Variants in MTIF2 observed in about 807,000 individuals in gnomAD.
The protein encoded by MTIF2 is mitochondrial translational initiation factor 2.
In MTIF2, 71 loss-of-function variants were observed where a neutral mutation model predicts 83.5. That is an observed-to-expected ratio of 0.85 (90% confidence interval 0.70 to 1.04). The LOEUF is 1.04. MTIF2 is among the 50% of genes least tolerant of loss of function. MTIF2 has a pLI of 0.00. For missense variants in MTIF2, 957 were observed against 846.5 expected, an observed-to-expected ratio of 1.13 and a Z score of -1.62; for synonymous variants, 319 against 287.1, an observed-to-expected ratio of 1.11 and a Z score of -1.12.
intron 3 of MTIF2, among the ~76,000 whole-genome samples, chr2:55,267,068 C>T (rs1157082775): frequency 2.0e-5 from 3 of 151,900 alleles, no homozygotes; most frequent in African/African-American, 7.2e-5. Context: ...CCACGCCTAG[C>T]CTAAATGTTA....
At chr2:55,263,402 T>C (rs1028128373) in intron 4 of MTIF2, among the ~76,000 whole-genome samples, 14 of 152,330 alleles carry the variant, frequency 9.2e-5, no homozygotes, top group African/African-American at 2.4e-4. Flanking sequence ...TTTGTACTCA[T>C]GGTTCTAGGC....
chr2:55,238,771 G>A (rs1024981037), intron 14 of MTIF2, among the ~76,000 whole-genome samples: 1 of 152,056 alleles, frequency 6.6e-6, no homozygotes, highest in Non-Finnish European at 1.5e-5. Context: ...ATTTTCTAGG[G>A]TGCTATTTTA....
At chr2:55,246,557 T>C (rs1676716895) in intron 9 of MTIF2, 96 bp from the exon 10 acceptor site, 14 of 993,022 alleles carry the variant, frequency 1.4e-5, no homozygotes, top group Non-Finnish European at 2.1e-5. Context: ...TTGCAAGTTA[T>C]ATTATACTTT....
At chr2:55,247,745 C>T (rs916334337) in intron 9 of MTIF2, among the ~76,000 whole-genome samples, 2 of 152,032 alleles carry the variant, frequency 1.3e-5, no homozygotes, top group African/African-American at 2.4e-5. Flanking sequence ...AAAAGAAGGC[C>T]TCATCTTACC....
chr2:55,249,358 C>G (rs2104368264), intron 9 of MTIF2, 37 bp downstream of exon 9: 1 of 1,608,348 alleles, frequency 6.2e-7, no homozygotes, highest in East Asian at 2.2e-5. Flanking sequence ...TACAGCATTC[C>G]CATCCAGGCA....
Position 55,252,436 on chromosome 2 carries a change from T to A in MTIF2, c.841+41A>T, listed in dbSNP as rs368191351. The A allele has an allele frequency of 1.4e-5, 22 of 1,583,098 alleles. No individual in the cohort carries two copies. In the African/African-American group the frequency reaches 2.4e-4, roughly 17 times the overall value. ...CTATATGTAAATGGCCCCAGAACTT[T>A]GACTTTATGTAGTAGATCCATTAAG... On this transcript the variant is annotated intron_variant, in intron 8 of 15. Coordinates refer to ENST00000263629, the MANE Select transcript of MTIF2 (RefSeq NM_002453.3).
chr2:55,237,950 C>A (rs57489147), intron 14 of MTIF2, among the ~76,000 whole-genome samples: 11,518 of 152,194 alleles, frequency 0.076, 1,396 homozygotes, highest in African/African-American at 0.26. Context: ...TGCACCCAGC[C>A]ATCTTTGCCT....
At position 55,252,605 on chromosome 2, in the gene MTIF2, T is replaced by C. The variant is rs752020711; in HGVS notation, c.713A>G (p.His238Arg). The C allele has an allele frequency of 3.0e-5, 48 of 1,613,862 alleles. No homozygotes were observed. The highest frequency in any genetic ancestry group is 3.9e-5 in the Non-Finnish European group (46 of 1,179,970). ...GGCTCTCATTGCTGAGAAAGCAGCA[T>C]GTCCTGGAGTATCAAGAAAAGTTAT... ...EKITFLDTPG[H>R]AAFSAMRARG... The change falls in exon 8 of 16, where the codon CAT (histidine) becomes CGT (arginine). Residue 238 changes from histidine to arginine, a missense_variant. By Grantham distance (29) the His-to-Arg change is conservative. Around this residue, in one of 3 missense-constraint regions of MTIF2, gnomAD observed 733 missense variants for 648.7 expected, o/e 1.13. Transcript: ENST00000263629.
chr2:55,246,219 T>C, intron 10 of MTIF2, 118 bp downstream of exon 10: 2 of 1,201,108 alleles, frequency 1.7e-6, no homozygotes, highest in South Asian at 3.7e-5. Flanking sequence ...AAACAAATGC[T>C]TTGAAAATAT....
intron 14 of MTIF2, among the ~76,000 whole-genome samples, chr2:55,238,937 T>C (rs1034437614): frequency 6.6e-6 from 1 of 152,182 alleles, no homozygotes; most frequent in Non-Finnish European, 1.5e-5. Flanking sequence ...ATAAATCTGT[T>C]ATGTAGACCA....
At chr2:55,256,968 A>T (rs1677595110) in intron 5 of MTIF2, among the ~76,000 whole-genome samples, 1 of 152,164 alleles carries the variant, frequency 6.6e-6, no homozygotes, top group South Asian at 2.1e-4. Context: ...AAGTTCTGGA[A>T]TTACAGGTGT....
At chr2:55,256,297 C>CAT (rs1017950917) in intron 5 of MTIF2, among the ~76,000 whole-genome samples, 1 of 49,740 alleles carries the variant, frequency 2.0e-5, no homozygotes, top group African/African-American at 6.2e-5. Context: ...GACATACACA[C>CAT]ATATACACAC....
At chr2:55,263,588 T>C in intron 4 of MTIF2, 52 bp downstream of exon 4, 1 of 1,416,858 alleles carries the variant, frequency 7.1e-7, no homozygotes, top group Non-Finnish European at 9.6e-7. Flanking sequence ...CCAGCCGGGG[T>C]GACAGGGTGA....
Position 55,254,826 on chromosome 2 carries a change from C to A in MTIF2, c.332-1G>T. ...TTCAATAAAGCTTCATATACATAAT[C>A]TGATTGGAATAAAATAAAACCTTTT... On this transcript the variant is annotated splice_acceptor_variant, in intron 5 of 15. Transcript: ENST00000263629. LOFTEE classifies it high-confidence loss of function. The A allele has an allele frequency of 6.4e-7, 1 of 1,553,820 alleles. No individual in the cohort carries two copies. The highest frequency in any genetic ancestry group is 8.7e-7 in the Non-Finnish European group (1 of 1,153,366).
chr2:55,251,110 C>CAAAAAAAAAAAA (rs57949152), intron 8 of MTIF2, among the ~76,000 whole-genome samples: 2 of 71,138 alleles, frequency 2.8e-5, no homozygotes, highest in Non-Finnish European at 5.4e-5. Context: ...AACTCCGTCT[C>CAAAAAAAAAAAA]AAAAAAAAAA....
At chr2:55,249,350 C>T in intron 9 of MTIF2, 45 bp downstream of exon 9, 2 of 1,605,136 alleles carry the variant, frequency 1.2e-6, no homozygotes, top group Non-Finnish European at 1.7e-6. Context: ...GCATTATGTA[C>T]AGCATTCCCA....
At chr2:55,251,272 T>C (rs1200842711) in intron 8 of MTIF2, among the ~76,000 whole-genome samples, 1 of 151,674 alleles carries the variant, frequency 6.6e-6, no homozygotes, top group Non-Finnish European at 1.5e-5. Context: ...AATTTATCCC[T>C]CTCTTTTTGC....
At chr2:55,244,544 C>T (rs1028248121) in intron 10 of MTIF2, among the ~76,000 whole-genome samples, 1 of 152,120 alleles carries the variant, frequency 6.6e-6, no homozygotes, top group Non-Finnish European at 1.5e-5. Context: ...CTCAAATGTC[C>T]ATCAAAAGAC....
chr2:55,264,914 T>C (rs1452634279), intron 3 of MTIF2, among the ~76,000 whole-genome samples: 1 of 152,132 alleles, frequency 6.6e-6, no homozygotes, highest in Non-Finnish European at 1.5e-5. Context: ...CTTTTCAGTT[T>C]TTAAGGACAG....
Sources: allele counts gnomAD v4.1 joint callset (sites outside exome capture counted in the v4.1 genomes callset), GRCh38; gene constraint gnomAD v4.1.1; regional missense constraint gnomAD v4.1.1; transcripts MANE v1.5; gene names NCBI Gene and HGNC (gene_info 2026-07-23, HGNC 2026-07-21).